The following CLCN6 variants were observed in gnomAD, a reference collection of about 807,000 sequenced individuals.
The protein encoded by CLCN6 is Cl-/H+ antiporter 6.
A neutral mutation model predicts 109.8 loss-of-function variants in CLCN6; 70 were observed. That is an observed-to-expected ratio of 0.64 (90% CI 0.53 to 0.78). The LOEUF is 0.78. Ranked by LOEUF, CLCN6 falls within the 30% of genes least tolerant of loss-of-function variation. The pLI is 0.00. For missense variants in CLCN6, 984 were observed against 1,142.3 expected (o/e 0.86, Z 2.00); for synonymous variants, 444 against 447.8 (o/e 0.99, Z 0.11).
At chr1:11,836,597 G>A (rs198403) in intron 18 of CLCN6, among the ~76,000 whole-genome samples, 18,610 of 152,116 alleles carry the variant, frequency 0.12, 1,616 homozygotes, top group African/African-American at 0.24. Context: ...GGTACCAGGA[G>A]GAAGGAGCAC....
At chr1:11,838,192 A>G (rs1282435173) in intron 20 of CLCN6, 143 bp from the exon 21 acceptor site, 4 of 738,576 alleles carry the variant, frequency 5.4e-6, no homozygotes, top group Middle Eastern at 3.7e-4. Context: ...GAGAGCTCTC[A>G]CTCTGGAGCG....
rs764018909 is a variant in CLCN6 at position 11,828,493 on chromosome 1, A to G, written c.990A>G (p.Thr330=). The part of the protein sequence containing the change: ...SDSDKKCHLW[T]AMDLGFFVVM... ...CTGATAAAAAATGTCATCTCTGGAC[A>G]GCTATGGATTTGGGTTTCTTCGTCG... is the stretch of plus-strand genomic sequence containing the variant. The change falls in exon 12 of 23, where the codon ACA becomes ACG. Residue 330 remains threonine (T), a synonymous_variant. Transcript: ENST00000346436. 124 of 1,614,024 alleles carry G rather than the reference A, an allele frequency of 7.7e-5. No individual in the cohort carries two copies. The highest frequency in any genetic ancestry group is 2.3e-5 in the Non-Finnish European group (27 of 1,180,046).
Position 11,833,791 on chromosome 1 carries a change from G to A in CLCN6, c.1373-86G>A. The A allele has an allele frequency of 3.8e-6, 6 of 1,563,500 alleles. No individual in the cohort carries two copies. In the South Asian group the frequency reaches 6.1e-5, roughly 16 times the overall value. ...TGCCTCCTGTGTTGGAAGGGGAACT[G>A]GTATGGGGTGTGGTCGGGCCCGGTA... is the stretch of plus-strand genomic sequence containing the variant. On this transcript the variant is annotated intron_variant, in intron 14 of 22. Coordinates refer to ENST00000346436, the MANE Select transcript of CLCN6 (RefSeq NM_001286.5).
rs549922040 is a variant in CLCN6, at chr1:11,841,158, T to G, written c.*935T>G. 7 of 152,768 alleles carry G rather than the reference T, an allele frequency of 4.6e-5. 1 individual carries two copies. The highest frequency in any genetic ancestry group is 1.7e-4 in the African/African-American group (7 of 41,574). 9.5% of individuals were successfully genotyped at this position (152,768 alleles called of 1,614,324 possible). A position where few individuals can be genotyped will look rare whatever the true frequency, so the allele number is the denominator to read the frequency against. On this transcript the variant is annotated 3_prime_UTR_variant, in exon 23 of 23. Coordinates refer to ENST00000346436, the MANE Select transcript of CLCN6 (RefSeq NM_001286.5). ...CTCAACTCTGGGGAATGCTACCATT[T>G]TTTTTCCAAAGTAGAAAGGAAGCAC...
intron 17 of CLCN6, among the ~76,000 whole-genome samples, chr1:11,835,097 G>T (rs944214021): frequency 2.6e-5 from 4 of 152,214 alleles, no homozygotes; most frequent in Admixed American, 6.5e-5. Context: ...AGCCGTTTCT[G>T]TGGAGGGCCA....
intron 18 of CLCN6, 31 bp from the exon 19 acceptor site, chr1:11,836,968 G>C (rs1480371023): frequency 6.2e-7 from 1 of 1,602,828 alleles, no homozygotes; most frequent in South Asian, 1.1e-5. Context: ...GTTTGCCCAT[G>C]CGCAGTAGCC....
At chr1:11,824,661 C>A in intron 8 of CLCN6, 108 bp downstream of exon 8, 1 of 780,176 alleles carries the variant, frequency 1.3e-6, no homozygotes. Flanking sequence ...GAACCTGGTG[C>A]CATTCTGGCT....
chr1:11,840,167 A>C lies in CLCN6; in HGVS notation c.2554A>C (p.Asn852His), dbSNP rs374466254. The change falls in exon 23 of 23, where the codon AAC (asparagine) becomes CAC (histidine). Residue 852 changes from asparagine to histidine, a missense_variant. Physicochemically the swap from Asn to His is moderately conservative, Grantham distance 68 (BLOSUM62 1). Coordinates refer to ENST00000346436, the MANE Select transcript of CLCN6 (RefSeq NM_001286.5). The part of the protein sequence containing the change: ...GEIVGIITRH[N>H]LTYEFLQARL... Reference sequence around the variant, plus strand: ...GATCGTGGGGATCATCACACGGCACAACCTCACCTATGAATTTCTGCAGGC... The same window carrying C: ...GATCGTGGGGATCATCACACGGCACCACCTCACCTATGAATTTCTGCAGGC... 1.9e-6 allele frequency: 3 copies of C among 1,613,946 alleles called. No individual in the cohort carries two copies. The highest frequency in any genetic ancestry group is 1.7e-6 in the Non-Finnish European group (2 of 1,180,026).
chr1:11,810,084 T>C (rs774243253), intron 2 of CLCN6, among the ~76,000 whole-genome samples: 1 of 152,220 alleles, frequency 6.6e-6, no homozygotes, highest in African/African-American at 2.4e-5. Context: ...TTAATAGTCA[T>C]ATTTTAATGA....
chr1:11,816,815 T>G (rs1480223279), intron 4 of CLCN6, 135 bp downstream of exon 4: 6 of 566,570 alleles, frequency 1.1e-5, no homozygotes, highest in Non-Finnish European at 1.8e-5. Context: ...ACACTTGTCA[T>G]TATAATCAAG....
At chr1:11,818,520 A>G (rs1644702202) in intron 4 of CLCN6, among the ~76,000 whole-genome samples, 1 of 152,192 alleles carries the variant, frequency 6.6e-6, no homozygotes, top group African/African-American at 2.4e-5. Flanking sequence ...TTTGTATTTT[A>G]GGAAGGCACA....
Position 11,833,942 on chromosome 1 carries a change from T to TA in CLCN6, c.1439dup (p.Tyr480Ter), listed in dbSNP as rs747221082. The TA allele has an allele frequency of 1.9e-6, 3 of 1,614,088 alleles. No homozygotes were observed. The highest frequency in any genetic ancestry group is 2.2e-5 in the East Asian group (1 of 44,892). The change falls in exon 15 of 23, where the codon TAC becomes TAAC. Residue 480 changes from tyrosine (Y) to a stop codon, truncating the protein, a stop_gained and frameshift_variant. Transcript: ENST00000346436. LOFTEE classifies it high-confidence loss of function. The part of the protein sequence containing the change: ...VLYFLLACWT[Y>*]GISVPSGLFV... ...CTATTTCTTGCTTGCATGTTGGACTTACGGCATTTCTGTTCCAAGTGGCCT... is the reference window on the plus strand; with the variant it reads ...CTATTTCTTGCTTGCATGTTGGACTTAACGGCATTTCTGTTCCAAGTGGCCT...
intron 2 of CLCN6, 105 bp downstream of exon 2, chr1:11,807,295 C>T: frequency 2.0e-6 from 2 of 1,005,866 alleles, no homozygotes; most frequent in East Asian, 2.4e-5. Flanking sequence ...GACCTTCTGT[C>T]CCAGGGAGTG....
Position 11,823,626 on chromosome 1 carries a change from C to T in CLCN6, c.454-81C>T, listed in dbSNP as rs1644773817. 3.8e-6 allele frequency: 6 copies of T among 1,591,926 alleles called. No individual in the cohort carries two copies. In the Admixed American group the frequency reaches 5.1e-5, roughly 13 times the overall value. ...CTAATGAAGGTGGCCAGCTCTCCCTCTTCCGCCGCCCAGATTGTTGAGGGT... is the reference window on the plus strand; with the variant it reads ...CTAATGAAGGTGGCCAGCTCTCCCTTTTCCGCCGCCCAGATTGTTGAGGGT... On this transcript the variant is annotated intron_variant, in intron 6 of 22. Transcript: ENST00000346436.
chr1:11,808,820 A>G (rs1644559227), intron 2 of CLCN6, among the ~76,000 whole-genome samples: 1 of 151,742 alleles, frequency 6.6e-6, no homozygotes. Flanking sequence ...ACCAAAAAGC[A>G]CTGTATCCAC....
rs1645043271 is a variant in CLCN6 at position 11,842,916 on chromosome 1, G to C, written c.*2693G>C. 1 of 152,308 alleles carries C rather than the reference G, an allele frequency of 6.6e-6. No individual in the cohort carries two copies. Among genetic ancestry groups the C allele is most frequent in the Non-Finnish European group, 1.5e-5 (1 of 68,062 alleles). 9.4% of individuals were successfully genotyped at this position (152,308 alleles called of 1,614,324 possible). A position where few individuals can be genotyped will look rare whatever the true frequency, so the allele number is the denominator to read the frequency against. On this transcript the variant is annotated 3_prime_UTR_variant, in exon 23 of 23. Transcript: ENST00000346436. Reference sequence around the variant, plus strand: ...GCCAGCCCTGCAGTATTGATGTGCAGTATTGCACCACAGCTCTGCGGACCT... The same window carrying C: ...GCCAGCCCTGCAGTATTGATGTGCACTATTGCACCACAGCTCTGCGGACCT...
At chr1:11,822,477 A>G (rs1644758392) in intron 5 of CLCN6, among the ~76,000 whole-genome samples, 1 of 152,184 alleles carries the variant, frequency 6.6e-6, no homozygotes, top group Admixed American at 6.5e-5. Context: ...TCTTAGGCTC[A>G]AGTGATCCTC....
rs1252208420 is a variant in CLCN6, at chr1:11,842,983, CTGTT to C, written c.*2768_*2771del. ...CGCAGCTTCCTTTTTTCTGTTTGCA[CTGTT>C]TGTTTGTATGATGTTAGCTAATTCC... On this transcript the variant is annotated 3_prime_UTR_variant, in exon 23 of 23. Transcript: ENST00000346436. The C allele has an allele frequency of 6.6e-6, 1 of 152,246 alleles. No homozygotes were observed. Among genetic ancestry groups the C allele is most frequent in the Non-Finnish European group, 1.5e-5 (1 of 68,054 alleles). The allele number at this position is 152,246 out of a possible 1,614,324, so 9.4% of individuals were successfully genotyped here.
intron 2 of CLCN6, among the ~76,000 whole-genome samples, chr1:11,807,906 C>T (rs1470481590): frequency 2.0e-5 from 3 of 152,144 alleles, no homozygotes; most frequent in South Asian, 2.1e-4. Flanking sequence ...CTGTCCCACT[C>T]ACCCCCTTTA....
Sources: gnomAD v4.1 joint callset for allele counts (sites outside exome capture counted in the v4.1 genomes callset) on GRCh38, gnomAD v4.1.1 for gene constraint, MANE v1.5 for transcripts, NCBI Gene and HGNC (gene_info 2026-07-23, HGNC 2026-07-21) for gene names.